CD48: variants seen among roughly 807,000 people sequenced by gnomAD.
CD48 encodes CD48 molecule.
In CD48, 20 loss-of-function variants were observed where a neutral mutation model predicts 22.0. The observed-to-expected ratio is 0.91, with a 90% CI of 0.64 to 1.32. The LOEUF (loss-of-function observed/expected upper bound fraction) is 1.32. Among genes scored for constraint, CD48 ranks in the 40% most tolerant of loss-of-function variants. The pLI, the probability that CD48 is intolerant of heterozygous loss-of-function variation, is 0.00. For synonymous variants in CD48, 110 were observed against 110.1 expected, an observed-to-expected ratio of 1.00 and a Z score of 0.01; for missense variants, 307 against 286.5, an observed-to-expected ratio of 1.07 and a Z score of -0.52.
intron 1 of CD48, among the ~76,000 whole-genome samples, chr1:160,705,946 C>T (rs183769457): frequency 6.6e-6 from 1 of 152,276 alleles, no homozygotes; most frequent in Non-Finnish European, 1.5e-5. Flanking sequence ...CACATTCACC[C>T]TGGTTGAGAA....
intron 1 of CD48, 137 bp from the exon 2 acceptor site, chr1:160,685,326 G>C (rs746787623): frequency 2.1e-5 from 14 of 661,892 alleles, no homozygotes; most frequent in Middle Eastern, 4.2e-4. Flanking sequence ...GTTTTCACTG[G>C]AGGTCCAGGT....
intron 1 of CD48, chr1:160,691,654 CT>C (rs1245358780): frequency 9.1e-6 from 2 of 219,662 alleles, no homozygotes; most frequent in African/African-American, 4.7e-5. Context: ...CCCCTTATTT[CT>C]TTCTCTATAC....
At chr1:160,681,008 A>G in intron 3 of CD48, 194 bp downstream of exon 3, 1 of 1,423,466 alleles carries the variant, frequency 7.0e-7, no homozygotes. Context: ...CTGAGCCCCC[A>G]CGAAGTTGAG....
Position 160,711,790 on chromosome 1 carries a change from G to T in CD48, c.-27C>A. 2 of 1,565,126 alleles carry T rather than the reference G, an allele frequency of 1.3e-6. No homozygotes were observed. Among genetic ancestry groups the T allele is most frequent in the Non-Finnish European group, 1.8e-6 (2 of 1,135,982 alleles). On this transcript the variant is annotated 5_prime_UTR_variant, in exon 1 of 4. Coordinates refer to ENST00000368046, the MANE Select transcript of CD48 (RefSeq NM_001778.4). ...CTTCCTTCCAGAACTTCCCAGCAAC[G>T]CAGGAGACAGTTGAGAGCCTGGCTA... is the stretch of plus-strand genomic sequence containing the variant.
intron 1 of CD48, among the ~76,000 whole-genome samples, chr1:160,691,094 G>A (rs576445911): frequency 1.0e-3 from 154 of 152,206 alleles, no homozygotes; most frequent in Middle Eastern, 6.8e-3. Context: ...GCCTGCAGGG[G>A]CCTCTGCCTA....
chr1:160,684,726 T>A, intron 2 of CD48, 161 bp downstream of exon 2: 3 of 1,568,420 alleles, frequency 1.9e-6, no homozygotes, highest in Non-Finnish European at 1.7e-6. Flanking sequence ...TGACCTAGGC[T>A]CACTCCCAAA....
At chr1:160,685,771 A>G (rs1661975550) in intron 1 of CD48, among the ~76,000 whole-genome samples, 1 of 152,232 alleles carries the variant, frequency 6.6e-6, no homozygotes, top group Non-Finnish European at 1.5e-5. Context: ...ATCACTGACA[A>G]GAGGCAGATT....
intron 1 of CD48, among the ~76,000 whole-genome samples, chr1:160,694,108 G>C (rs1364619166): frequency 6.6e-6 from 1 of 152,238 alleles, no homozygotes; most frequent in East Asian, 1.9e-4. Flanking sequence ...ATACTGGTGT[G>C]GTTGATTCAG....
At position 160,685,202 on chromosome 1, in the gene CD48, T is replaced by G; in HGVS notation, c.83-13A>C. The G allele has an allele frequency of 6.3e-7, 1 of 1,594,636 alleles. No homozygotes were observed. The highest frequency in any genetic ancestry group is 8.6e-7 in the Non-Finnish European group (1 of 1,167,566). ...TGTACCAAGTGACCTGCCAATGAGA[T>G]TCAGAGTGAGACCTGCGCTAGAGGA... On this transcript the variant is annotated splice_polypyrimidine_tract_variant and intron_variant, in intron 1 of 3. Transcript: ENST00000368046.
chr1:160,692,242 A>T (rs1662247944), intron 1 of CD48: 1 of 152,196 alleles, frequency 6.6e-6, no homozygotes. Flanking sequence ...TAATGAAAAG[A>T]CAAGGAAAAA....
At chr1:160,689,823 G>A (rs1662138519) in intron 1 of CD48, among the ~76,000 whole-genome samples, 1 of 152,160 alleles carries the variant, frequency 6.6e-6, no homozygotes, top group African/African-American at 2.4e-5. Flanking sequence ...TGAAACACAA[G>A]CATATCCTCT....
At chr1:160,684,537 A>T in intron 2 of CD48, 1 of 560,238 alleles carries the variant, frequency 1.8e-6, no homozygotes, top group Non-Finnish European at 3.1e-6. Flanking sequence ...TTTTTTCTTA[A>T]GTCCAATGAA....
At chr1:160,699,690 G>A (rs1178462631) in intron 1 of CD48, 3 of 152,116 alleles carry the variant, frequency 2.0e-5, no homozygotes, top group Non-Finnish European at 2.9e-5. Flanking sequence ...AGATGTTTAT[G>A]TGTATGCATA....
At chr1:160,698,904 T>C (rs376946359) in intron 1 of CD48, 413 of 137,684 alleles carry the variant, frequency 3.0e-3, no homozygotes, top group South Asian at 4.1e-3. Flanking sequence ...AGAAGTACTA[T>C]GATTATAAAT....
chr1:160,681,796 T>C (rs557534783), intron 2 of CD48, among the ~76,000 whole-genome samples: 2 of 152,286 alleles, frequency 1.3e-5, no homozygotes, highest in Admixed American at 1.3e-4. Context: ...GGGTCAGACT[T>C]AGTATATCAA....
chr1:160,690,267 G>A (rs752443624), intron 1 of CD48, among the ~76,000 whole-genome samples: 16 of 152,272 alleles, frequency 1.1e-4, no homozygotes, highest in Non-Finnish European at 1.5e-4. Context: ...AAAATGGGCC[G>A]TGCCTTCCCC....
rs759773567 is a variant in CD48, at chr1:160,685,021, C to T, written c.251G>A (p.Arg84Lys). 7 of 1,614,220 alleles carry T rather than the reference C, an allele frequency of 4.3e-6. No individual in the cohort carries two copies. The East Asian group carries it at 1.6e-4, about 36-fold the overall frequency. Residue 84 changes from arginine (R) to lysine (K), a missense_variant, in exon 2 of 4, where the codon AGG becomes AAG. Arg to Lys is a conservative substitution (Grantham distance 26). Coordinates refer to ENST00000368046, the MANE Select transcript of CD48 (RefSeq NM_001778.4). ...SKYFESKFKG[R>K]VRLDPQSGAL... ...GCCACTCTGAGGATCAAGTCTGACCCTGCCTTTAAATTTGGATTCAAAGTA... is the reference window on the plus strand; with the variant it reads ...GCCACTCTGAGGATCAAGTCTGACCTTGCCTTTAAATTTGGATTCAAAGTA...
At chr1:160,681,004 C>T (rs1661774852) in intron 3 of CD48, 198 bp downstream of exon 3, 17 of 1,308,608 alleles carry the variant, frequency 1.3e-5, no homozygotes, top group African/African-American at 3.4e-5. Context: ...AACACTGAGC[C>T]CCCACGAAGT....
Position 160,685,146 on chromosome 1 carries a change from A to G in CD48, c.126T>C (p.Thr42=), listed in dbSNP as rs769511339. ...HMTVVSGSNV[T]LNISESLPEN... ...CAGGCAGGCTCTCAGAGATGTTCAGAGTCACGTTGCTGCCGGAGACCACGG... is the reference window on the plus strand; with the variant it reads ...CAGGCAGGCTCTCAGAGATGTTCAGGGTCACGTTGCTGCCGGAGACCACGG... Residue 42 remains threonine (T), a synonymous_variant, in exon 2 of 4, where the codon ACT becomes ACC. Transcript: ENST00000368046. 3 of 1,612,200 alleles carry G rather than the reference A, an allele frequency of 1.9e-6. No homozygotes were observed. The highest frequency in any genetic ancestry group is 2.2e-5 in the East Asian group (1 of 44,840).
Sources: gnomAD v4.1 joint callset for allele counts (sites outside exome capture counted in the v4.1 genomes callset) on GRCh38, gnomAD v4.1.1 for gene constraint, MANE v1.5 for transcripts, NCBI Gene and HGNC (gene_info 2026-07-23, HGNC 2026-07-21) for gene names.